The following SINHCAF variants were observed in gnomAD, a reference collection of about 807,000 sequenced individuals.
The protein encoded by SINHCAF is SIN3-HDAC complex associated factor.
Under a neutral mutation model 25.8 loss-of-function variants are expected in SINHCAF, and 3 were observed. That is an observed-to-expected ratio of 0.12 (90% CI 0.05 to 0.30). The LOEUF (loss-of-function observed/expected upper bound fraction) is 0.30. Among genes scored for constraint, SINHCAF ranks in the 10% least tolerant of loss-of-function variants. The pLI is 1.00. For missense variants in SINHCAF, 121 were observed against 262.3 expected, an observed-to-expected ratio of 0.46 and a Z score of 3.72; for synonymous variants, 70 against 85.5, an observed-to-expected ratio of 0.82 and a Z score of 1.00.
At chr12:31,287,885 GA>G in intron 4 of SINHCAF, 101 bp from the exon 5 acceptor site, 4 of 504,956 alleles carry the variant, frequency 7.9e-6, no homozygotes, top group Non-Finnish European at 1.3e-5. Context: ...TGGTAAAAAA[GA>G]AAAAGTAAAA....
At chr12:31,310,870 C>CT (rs901142862) in intron 1 of SINHCAF, among the ~76,000 whole-genome samples, 2,161 of 139,830 alleles carry the variant, frequency 0.015, 54 homozygotes, top group African/African-American at 0.045. Flanking sequence ...AATCTACGAT[C>CT]TTTTTTTTTT....
At position 31,281,106 on chromosome 12, in the gene SINHCAF, T is replaced by C. The variant is rs1428690864; in HGVS notation, c.*1606A>G. 6.6e-6 allele frequency: 1 copy of C among 152,218 alleles called. No homozygotes were observed. Among genetic ancestry groups the C allele is most frequent in the Non-Finnish European group, 1.5e-5 (1 of 68,026 alleles). The allele number at this position is 152,218 out of a possible 1,614,324, so 9.4% of individuals were successfully genotyped here. A position where few individuals can be genotyped will look rare whatever the true frequency, so the allele number is the denominator to read the frequency against. On this transcript the variant is annotated 3_prime_UTR_variant, in exon 6 of 6. Transcript: ENST00000337682. ...ATACTATCCAATTTTTAAAATGCAG[T>C]TTAAAAAATAAGCACTGAGTCTTGT... is the stretch of plus-strand genomic sequence containing the variant.
At chr12:31,322,761 T>C (rs1320135544) in intron 1 of SINHCAF, among the ~76,000 whole-genome samples, 1 of 152,208 alleles carries the variant, frequency 6.6e-6, no homozygotes, top group Non-Finnish European at 1.5e-5. Flanking sequence ...TTCCTAGTAA[T>C]GATCACTTAG....
In SINHCAF at chr12:31,317,223, CACAAA is replaced by C. The variant is rs1288580855; in HGVS notation, c.-21+8796_-21+8800del. Among the ~76,000 whole-genome samples, 3 of 152,090 alleles carry C rather than the reference CACAAA, an allele frequency of 2.0e-5. No homozygotes were observed. In the East Asian group the frequency reaches 5.8e-4, roughly 29 times the overall value. On this transcript the variant is annotated intron_variant, in intron 1 of 5. Transcript: ENST00000337682. ...TCTTGGGAACTGAAATTCTGATATGCACAAATTAGGGGAACAACCTCCCAAATGAA... is the reference window on the plus strand; with the variant it reads ...TCTTGGGAACTGAAATTCTGATATGCTTAGGGGAACAACCTCCCAAATGAA...
At chr12:31,311,735 T>A in intron 1 of SINHCAF, 1 of 510,922 alleles carries the variant, frequency 2.0e-6, no homozygotes, top group South Asian at 1.7e-5. Context: ...CCCAGTGACT[T>A]TATCACTCCA....
rs571450858 is a variant in SINHCAF at position 31,289,503 on chromosome 12, T to C, written c.356-1719A>G. On this transcript the variant is annotated intron_variant, in intron 4 of 5. Transcript: ENST00000337682. ...TCATTAGATGCAGAGCTAACCCTGA[T>C]TTAATACTTTGCCTGTTTATGTGAA... 3.3e-5 allele frequency among the ~76,000 whole-genome samples: 5 copies of C among 152,340 alleles called. 1 individual carries two copies. The highest frequency in any genetic ancestry group is 2.1e-4 in the South Asian group (1 of 4,832).
rs79677027 is a variant in SINHCAF, at chr12:31,290,275, A to G, written c.356-2491T>C. On this transcript the variant is annotated intron_variant, in intron 4 of 5. Coordinates refer to ENST00000337682, the MANE Select transcript of SINHCAF (RefSeq NM_001135812.2). ...TCATGCCTCAGCCTCTCGAGTAGCT[A>G]CAACTACAGGTGTGCACTACCACAC... Among the ~76,000 whole-genome samples, 773 of 152,132 alleles carry G rather than the reference A, an allele frequency of 5.1e-3. 6 individuals are homozygous for G. Among genetic ancestry groups the G allele is most frequent in the East Asian group, 0.037 (191 of 5,168 alleles).
chr12:31,305,424 T>A (rs903130369), intron 1 of SINHCAF, among the ~76,000 whole-genome samples: 2 of 152,174 alleles, frequency 1.3e-5, no homozygotes, highest in African/African-American at 2.4e-5. Context: ...TCATCTTGAT[T>A]CCCATGTGCC....
chr12:31,301,549 T>C (rs1938795079), intron 1 of SINHCAF, among the ~76,000 whole-genome samples: 1 of 152,180 alleles, frequency 6.6e-6, no homozygotes, highest in East Asian at 1.9e-4. Context: ...TTAATAAACC[T>C]ATTAAGCCTT....
chr12:31,285,794 G>T (rs1938037392), intron 5 of SINHCAF, among the ~76,000 whole-genome samples: 1 of 152,012 alleles, frequency 6.6e-6, no homozygotes, highest in South Asian at 2.1e-4. Context: ...TGGCCAATAT[G>T]GCGAAACCCC....
At chr12:31,306,330 C>T (rs1939024685) in intron 1 of SINHCAF, among the ~76,000 whole-genome samples, 1 of 152,142 alleles carries the variant, frequency 6.6e-6, no homozygotes, top group Non-Finnish European at 1.5e-5. Flanking sequence ...GTAAATCAAT[C>T]TTCTGTGCCA....
At chr12:31,317,442 T>C (rs528882786) in intron 1 of SINHCAF, among the ~76,000 whole-genome samples, 1 of 152,354 alleles carries the variant, frequency 6.6e-6, no homozygotes, top group East Asian at 1.9e-4. Flanking sequence ...TGTTTCAACC[T>C]TTAAAGCAAG....
Position 31,324,983 on chromosome 12 carries a change from A to C in SINHCAF, c.-21+1041T>G, listed in dbSNP as rs1352283186. 1 of 456,586 alleles carries C rather than the reference A, an allele frequency of 2.2e-6. No individual in the cohort carries two copies. Among genetic ancestry groups the C allele is most frequent in the East Asian group, 6.9e-5 (1 of 14,406 alleles). 28.3% of individuals were successfully genotyped at this position (456,586 alleles called of 1,614,324 possible). ...ACCTGCCCGACGGCGGCCGCATCCC[A>C]CGGCTCACGCGGGGCTGGACATTCG... On this transcript the variant is annotated intron_variant, in intron 1 of 5. Transcript: ENST00000337682. This position sits in a 1 kb window ranked among gnomAD's most constrained non-coding sequence, Gnocchi z 5.5.
Position 31,282,466 on chromosome 12 carries a change from TA to T in SINHCAF, c.*245del. 3.2e-6 allele frequency: 1 copy of T among 316,902 alleles called. No homozygotes were observed. The highest frequency in any genetic ancestry group is 5.7e-6 in the Non-Finnish European group (1 of 175,024). The allele number at this position is 316,902 out of a possible 1,614,324, so 19.6% of individuals were successfully genotyped here. ...GGTGAAACCCCGTCTCTACTAAAAC[TA>T]AAAAATTAGCCGGGTCTGGTGGCGG... On this transcript the variant is annotated 3_prime_UTR_variant, in exon 6 of 6. Coordinates refer to ENST00000337682, the MANE Select transcript of SINHCAF (RefSeq NM_001135812.2).
chr12:31,303,041 TC>T, intron 1 of SINHCAF: 1 of 984,614 alleles, frequency 1.0e-6, no homozygotes, highest in Non-Finnish European at 1.2e-6. Context: ...TTTCTTAAGG[TC>T]CCTGAAATAG....
chr12:31,295,558 TAAG>T (rs1199589835), intron 2 of SINHCAF, among the ~76,000 whole-genome samples: 3 of 152,224 alleles, frequency 2.0e-5, no homozygotes, highest in Non-Finnish European at 4.4e-5. Context: ...TATTTTGAAA[TAAG>T]AAATGCTTTT....
chr12:31,323,327 T>C (rs1019495762), intron 1 of SINHCAF, among the ~76,000 whole-genome samples: 1 of 152,216 alleles, frequency 6.6e-6, no homozygotes, highest in Admixed American at 6.5e-5. Flanking sequence ...CATAAAATTT[T>C]AAAAGGCTTT....
At chr12:31,292,885 C>T (rs1938389361) in intron 4 of SINHCAF, among the ~76,000 whole-genome samples, 1 of 152,178 alleles carries the variant, frequency 6.6e-6, no homozygotes. Context: ...AATGTTCTCT[C>T]TAACAGGGCC....
At chr12:31,322,028 T>C (rs1287391153) in intron 1 of SINHCAF, among the ~76,000 whole-genome samples, 1 of 151,746 alleles carries the variant, frequency 6.6e-6, no homozygotes, top group Non-Finnish European at 1.5e-5. Flanking sequence ...GTTCCAGATA[T>C]ACAGAATTAA....
Sources: gnomAD v4.1 joint callset for allele counts (sites outside exome capture counted in the v4.1 genomes callset) on GRCh38, gnomAD v4.1.1 for gene constraint, Gnocchi (gnomAD v3.1) non-coding constraint, MANE v1.5 for transcripts, NCBI Gene and HGNC (gene_info 2026-07-23, HGNC 2026-07-21) for gene names.